The following NNT variants were observed in gnomAD, a reference collection of about 807,000 sequenced individuals.
NNT encodes the protein nicotinamide nucleotide transhydrogenase, also known as NAD(P) transhydrogenase, mitochondrial.
NNT carries 50 observed loss-of-function variants against 104.8 expected under a neutral mutation model. The ratio of observed to expected loss-of-function variants is 0.48; its 90% CI spans 0.38 to 0.60. NNT has a LOEUF of 0.60. Among genes scored for constraint, NNT ranks in the 20% least tolerant of loss-of-function variants. NNT has a pLI of 0.00. For missense variants in NNT, 1,131 were observed against 1,330.7 expected, an observed-to-expected ratio of 0.85 and a Z score of 2.33; for synonymous variants, 461 against 490.4, an observed-to-expected ratio of 0.94 and a Z score of 0.79.
intron 17 of NNT, chr5:43,666,934 G>A (rs2112026557): frequency 6.3e-7 from 1 of 1,583,642 alleles, no homozygotes; most frequent in Non-Finnish European, 8.6e-7. Flanking sequence ...CTTGGGGTGG[G>A]CAATGTAGGC....
At chr5:43,684,093 T>G (rs1741859578) in intron 19 of NNT, among the ~76,000 whole-genome samples, 1 of 152,204 alleles carries the variant, frequency 6.6e-6, no homozygotes, top group Non-Finnish European at 1.5e-5. Flanking sequence ...AGGCCACATG[T>G]ACAGATGGAA....
intron 17 of NNT, among the ~76,000 whole-genome samples, chr5:43,660,002 A>G (rs1429372140): frequency 1.3e-5 from 2 of 152,282 alleles, no homozygotes; most frequent in Non-Finnish European, 2.9e-5. Context: ...TATATACTAT[A>G]TTGTTGACTT....
chr5:43,624,706 T>G lies in NNT; in HGVS notation c.776+586T>G, dbSNP rs540518761. On this transcript the variant is annotated intron_variant, in intron 6 of 21. Transcript: ENST00000344920. ...CAGACATATACACATTTTCCTAGAT[T>G]GTCTTTAAAGAGAAGTTTGATTAAA... Among the ~76,000 whole-genome samples, 437 of 152,368 alleles carry G rather than the reference T, an allele frequency of 2.9e-3. 2 individuals are homozygous for G. Among genetic ancestry groups the G allele is most frequent in the African/African-American group, 0.01 (422 of 41,592 alleles).
At chr5:43,607,058 T>C (rs1181352098) in intron 1 of NNT, among the ~76,000 whole-genome samples, 2 of 151,250 alleles carry the variant, frequency 1.3e-5, no homozygotes, top group Non-Finnish European at 2.9e-5. Context: ...GGCTGGAGTG[T>C]AGTGGCATGA....
Position 43,651,754 on chromosome 5 carries a change from C to A in NNT, c.1733C>A (p.Thr578Asn), listed in dbSNP as rs1382498408. Reference protein sequence around the residue: ...SVNIAGGFLVTQRMLDMFKRP... With the variant: ...SVNIAGGFLVNQRMLDMFKRP... Reference sequence around the variant, plus strand: ...GTTTGCTAAGGTGGCTTTCTGGTGACTCAGAGAATGCTGGACATGTTCAAG... The same window carrying A: ...GTTTGCTAAGGTGGCTTTCTGGTGAATCAGAGAATGCTGGACATGTTCAAG... Residue 578 changes from threonine (T) to asparagine (N), a missense_variant, in exon 13 of 22, where the codon ACT becomes AAT. Coordinates refer to ENST00000344920, the MANE Select transcript of NNT (RefSeq NM_182977.3). 1 of 1,613,952 alleles carries A rather than the reference C, an allele frequency of 6.2e-7. No homozygotes were observed. Among genetic ancestry groups the A allele is most frequent in the Non-Finnish European group, 8.5e-7 (1 of 1,180,020 alleles).
At chr5:43,650,780 C>T (rs1310297966) in intron 12 of NNT, among the ~76,000 whole-genome samples, 193 bp downstream of exon 12, 4 of 152,238 alleles carry the variant, frequency 2.6e-5, no homozygotes, top group Admixed American at 6.5e-5. Flanking sequence ...GAACAACCCC[C>T]AGATCCCCAA....
chr5:43,701,048 A>T (rs956173870), intron 20 of NNT, among the ~76,000 whole-genome samples: 1 of 152,224 alleles, frequency 6.6e-6, no homozygotes, highest in Admixed American at 6.5e-5. Flanking sequence ...AATTATGGAC[A>T]TGGCTTTAAT....
At position 43,627,641 on chromosome 5, in the gene NNT, A is replaced by G. The variant is rs1227179547; in HGVS notation, c.777-559A>G. On this transcript the variant is annotated intron_variant, in intron 6 of 21. Coordinates refer to ENST00000344920, the MANE Select transcript of NNT (RefSeq NM_182977.3). ...TATTTAAAACTGAATTTATTTTTAT[A>G]TAATTTAAATGTGTTGGCTTTTCAT... 2.6e-5 allele frequency among the ~76,000 whole-genome samples: 4 copies of G among 152,306 alleles called. No individual in the cohort carries two copies. The East Asian group carries it at 5.8e-4, about 22-fold the overall frequency.
chr5:43,665,336 C>T (rs1740582886), intron 17 of NNT, among the ~76,000 whole-genome samples: 1 of 151,830 alleles, frequency 6.6e-6, no homozygotes, highest in African/African-American at 2.4e-5. Context: ...AGCAGATAAA[C>T]ATGTGAACAA....
chr5:43,677,851 G>A (rs1561316365), intron 19 of NNT, 45 bp downstream of exon 19: 1 of 1,463,082 alleles, frequency 6.8e-7, no homozygotes, highest in East Asian at 2.3e-5. Flanking sequence ...GTAAAGATGT[G>A]TGTGTGGAGA....
At chr5:43,623,627 CCTTA>C (rs1242988614) in intron 5 of NNT, among the ~76,000 whole-genome samples, 1 of 152,076 alleles carries the variant, frequency 6.6e-6, no homozygotes, top group African/African-American at 2.4e-5. Context: ...CAAAGAAAAA[CCTTA>C]TAATTTGATA....
intron 20 of NNT, among the ~76,000 whole-genome samples, 185 bp downstream of exon 20, chr5:43,700,422 C>T (rs1580137577): frequency 1.3e-5 from 2 of 152,138 alleles, no homozygotes; most frequent in South Asian, 2.1e-4. Context: ...ACAAAAGATT[C>T]GTAAACAGCA....
intron 7 of NNT, among the ~76,000 whole-genome samples, chr5:43,635,143 C>G (rs1750868295): frequency 6.6e-6 from 1 of 152,144 alleles, no homozygotes; most frequent in Non-Finnish European, 1.5e-5. Flanking sequence ...TTAGGGTGGT[C>G]TAGCCCTAAA....
intron 19 of NNT, among the ~76,000 whole-genome samples, chr5:43,691,306 G>GT (rs1742271641): frequency 6.6e-6 from 1 of 152,164 alleles, no homozygotes; most frequent in Non-Finnish European, 1.5e-5. Context: ...ATTTCACCAT[G>GT]TTGGCCAGGC....
intron 17 of NNT, among the ~76,000 whole-genome samples, chr5:43,666,077 C>T (rs570746087): frequency 1.7e-4 from 26 of 150,798 alleles, no homozygotes; most frequent in Admixed American, 4.6e-4. Flanking sequence ...GACCGGATGA[C>T]GGCCGGGAAG....
intron 2 of NNT, 150 bp from the exon 3 acceptor site, chr5:43,612,758 A>G (rs1749563399): frequency 3.4e-6 from 2 of 592,212 alleles, no homozygotes; most frequent in African/African-American, 3.7e-5. Flanking sequence ...ATAAGTATGA[A>G]TCAGGAACAT....
At chr5:43,627,763 A>G (rs7730507) in intron 6 of NNT, among the ~76,000 whole-genome samples, 2,949 of 152,268 alleles carry the variant, frequency 0.019, 96 homozygotes, top group African/African-American at 0.067. Context: ...GAATAATTTT[A>G]CATATAAAGA....
At position 43,638,683 on chromosome 5, in the gene NNT, C is replaced by A. The variant is rs111260368; in HGVS notation, c.965-5509C>A. 9.5e-3 allele frequency among the ~76,000 whole-genome samples: 1,374 copies of A among 144,448 alleles called. 14 individuals carry two copies. Among genetic ancestry groups the A allele is most frequent in the African/African-American group, 0.032 (1,286 of 39,588 alleles). The allele number at this position is 144,448 out of a possible 152,430, so 94.8% of individuals were successfully genotyped here. ...AGTTTTGTTTTTTTTTTTTTTTAGA[C>A]CCTCTAATTTGATGCCTTACAGGTC... On this transcript the variant is annotated intron_variant, in intron 7 of 21. Transcript: ENST00000344920.
chr5:43,613,252 T>C (rs1749597868), intron 3 of NNT, 115 bp downstream of exon 3: 2 of 799,790 alleles, frequency 2.5e-6, no homozygotes, highest in Non-Finnish European at 3.9e-6. Context: ...TCAAACAGTG[T>C]ATTTTTCTCA....
Sources: allele counts gnomAD v4.1 joint callset (sites outside exome capture counted in the v4.1 genomes callset), GRCh38; gene constraint gnomAD v4.1.1; transcripts MANE v1.5; gene names NCBI Gene and HGNC (gene_info 2026-07-23, HGNC 2026-07-21).